The following SIRPB2 variants were observed in gnomAD, a reference collection of about 807,000 sequenced individuals.
The protein encoded by SIRPB2 is signal-regulatory protein beta-2.
In SIRPB2, 18 loss-of-function variants were observed where a neutral mutation model predicts 27.1. The observed-to-expected ratio is 0.66, with a 90% CI of 0.46 to 0.98. The LOEUF (loss-of-function observed/expected upper bound fraction) is 0.98, where lower values mean the gene tolerates loss of function less well. Among genes scored for constraint, SIRPB2 ranks in the 50% least tolerant of loss-of-function variants. SIRPB2 has a pLI of 0.00. For synonymous variants in SIRPB2, 150 were observed against 164.6 expected (o/e 0.91, Z 0.68); for missense variants, 420 against 417.4 (o/e 1.01, Z -0.06).
chr20:1,483,155 C>G (rs6079304), intron 1 of SIRPB2, among the ~76,000 whole-genome samples: 120,971 of 150,428 alleles, frequency 0.8, 49,302 homozygotes, highest in African/African-American at 0.94. Flanking sequence ...CACCCAGGCT[C>G]GAGTGCAGTG....
intron 1 of SIRPB2, among the ~76,000 whole-genome samples, chr20:1,480,833 T>C (rs1422875852): frequency 6.6e-6 from 1 of 152,226 alleles, no homozygotes; most frequent in African/African-American, 2.4e-5. Flanking sequence ...ACAGGCTTGA[T>C]TCAAGCCCTC....
intron 1 of SIRPB2, among the ~76,000 whole-genome samples, chr20:1,491,061 G>A (rs1228834187): frequency 6.6e-6 from 1 of 152,200 alleles, no homozygotes; most frequent in Non-Finnish European, 1.5e-5. Flanking sequence ...AAGCCAGTGG[G>A]TGTGAGCGCA....
chr20:1,478,188 C>T (rs943515298), intron 3 of SIRPB2, 78 bp downstream of exon 3: 9 of 1,352,854 alleles, frequency 6.7e-6, no homozygotes, highest in Non-Finnish European at 8.4e-6. Flanking sequence ...GAAGAACTGG[C>T]TTGTTCGGGA....
intron 1 of SIRPB2, among the ~76,000 whole-genome samples, chr20:1,485,653 CCACA>C (rs58756174): frequency 2.0e-5 from 3 of 147,076 alleles, no homozygotes; most frequent in Non-Finnish European, 3.0e-5. Context: ...CACACACACA[CCACA>C]CACACACACA....
chr20:1,482,538 T>TCTTCCTTC (rs368666155), intron 1 of SIRPB2, among the ~76,000 whole-genome samples: 1 of 149,362 alleles, frequency 6.7e-6, no homozygotes, highest in African/African-American at 2.5e-5. Context: ...TTTCTTCCTT[T>TCTTCCTTC]CTTCCTTCCT....
chr20:1,476,215 G>A lies in SIRPB2; in HGVS notation c.981C>T (p.Gly327=). 6.2e-7 allele frequency: 1 copy of A among 1,614,138 alleles called. No individual in the cohort carries two copies. ...CTAAGGTGTTCATGGCTCCTGCTGG[G>A]CCTGTGGTCTTGACATCTTCTTGCC... ...SPGQEDVKTT[G]PAGAMNTLAW... Residue 327 remains glycine, a synonymous_variant, in exon 5 of 5, where the codon GGC becomes GGT. Transcript: ENST00000359801.
chr20:1,488,177 T>C (rs554048559), intron 1 of SIRPB2, among the ~76,000 whole-genome samples: 123 of 152,322 alleles, frequency 8.1e-4, no homozygotes, highest in African/African-American at 2.8e-3. Context: ...GAGAAAAATC[T>C]TTGCAAAGCA....
chr20:1,480,976 T>C (rs1163527529), intron 1 of SIRPB2, among the ~76,000 whole-genome samples: 2 of 152,222 alleles, frequency 1.3e-5, no homozygotes, highest in Non-Finnish European at 2.9e-5. Flanking sequence ...GCAGTTCGTG[T>C]TAATGTGTTA....
At position 1,476,349 on chromosome 20, in the gene SIRPB2, GGA is replaced by G. The variant is rs1292417625; in HGVS notation, c.860-15_860-14del. On this transcript the variant is annotated splice_polypyrimidine_tract_variant and intron_variant, in intron 4 of 4. Transcript: ENST00000359801. ...ACAACCAGGAGGCCTGGGAGGCACA[GGA>G]GAGAGCTCAGGCGGGACCCGTGGTG... 2 of 1,608,264 alleles carry G rather than the reference GGA, an allele frequency of 1.2e-6. No individual in the cohort carries two copies. The highest frequency in any genetic ancestry group is 1.7e-6 in the Non-Finnish European group (2 of 1,177,782).
Position 1,478,524 on chromosome 20 carries a change from T to C in SIRPB2, c.535A>G (p.Asn179Asp). 6.2e-7 allele frequency: 1 copy of C among 1,613,866 alleles called. No individual in the cohort carries two copies. Among genetic ancestry groups the C allele is most frequent in the Non-Finnish European group, 8.5e-7 (1 of 1,179,890 alleles). ...GGACCGTCTCCAAGCACTGTGCAGT[T>C]CAGAAAGACAGTGTCTCCAGTGGTC... is the stretch of plus-strand genomic sequence containing the variant. ...LGTTGDTVFL[N>D]CTVLGDGPPG... is the part of the protein sequence containing the mutation. The change falls in exon 3 of 5, where the codon AAC (asparagine) becomes GAC (aspartate). Residue 179 changes from asparagine to aspartate, a missense_variant. Coordinates refer to ENST00000359801, the MANE Select transcript of SIRPB2 (RefSeq NM_001122962.2).
At position 1,479,762 on chromosome 20, in the gene SIRPB2, A is replaced by G; in HGVS notation, c.389T>C (p.Phe130Ser). Reference protein sequence around the residue: ...EHTGTYHCVRFDGLSEHSEMK... With the variant: ...EHTGTYHCVRSDGLSEHSEMK... ...TTCTGAGTGTTCACTCAAACCATCAAACCTCACACAGTGGTAGGTTCCAGT... is the reference window on the plus strand; with the variant it reads ...TTCTGAGTGTTCACTCAAACCATCAGACCTCACACAGTGGTAGGTTCCAGT... The change falls in exon 2 of 5, where the codon TTT becomes TCT. Residue 130 changes from phenylalanine (F) to serine (S), a missense_variant. Physicochemically the swap from Phe to Ser is radical, Grantham distance 155. Coordinates refer to ENST00000359801, the MANE Select transcript of SIRPB2 (RefSeq NM_001122962.2). 6.2e-7 allele frequency: 1 copy of G among 1,614,218 alleles called. No homozygotes were observed. The highest frequency in any genetic ancestry group is 8.5e-7 in the Non-Finnish European group (1 of 1,180,032).
chr20:1,475,911 T>G lies in SIRPB2; in HGVS notation c.*256A>C. The G allele has an allele frequency of 1.9e-5, 8 of 414,098 alleles. No individual in the cohort carries two copies. Among genetic ancestry groups the G allele is most frequent in the Admixed American group, 4.4e-5 (1 of 22,598 alleles). The allele number at this position is 414,098 out of a possible 1,614,324, so 25.7% of individuals were successfully genotyped here. On this transcript the variant is annotated 3_prime_UTR_variant, in exon 5 of 5. Transcript: ENST00000359801. The stretch of plus-strand genomic sequence containing the variant: ...GAAAGGGCTGCAGCAGGGGCAAGGG[T>G]GTTGAGGAGAGACTGAGCCAGGGAC...
intron 1 of SIRPB2, among the ~76,000 whole-genome samples, chr20:1,483,786 T>G (rs2090697323): frequency 6.6e-6 from 1 of 152,222 alleles, no homozygotes; most frequent in Non-Finnish European, 1.5e-5. Flanking sequence ...GTCTTTTTTT[T>G]GCCTTTGTTG....
downstream of SIRPB2, among the ~76,000 whole-genome samples, chr20:1,474,318 C>T (rs2090591704): frequency 6.6e-6 from 1 of 152,194 alleles, no homozygotes; most frequent in African/African-American, 2.4e-5. Context: ...AGTATTCAGC[C>T]TACCTTCCCT....
Position 1,477,358 on chromosome 20 carries a change from G to A in SIRPB2, c.839C>T (p.Ala280Val), listed in dbSNP as rs1429078700. 2 of 1,614,192 alleles carry A rather than the reference G, an allele frequency of 1.2e-6. No homozygotes were observed. The highest frequency in any genetic ancestry group is 1.7e-6 in the Non-Finnish European group (2 of 1,180,018). ...CTCACCTGTTGGAGACATCTCAGTT[G>A]CAGGTTCACTGGTGAATTCTGCCTC... The part of the protein sequence containing the change: ...SKEAEFTSEP[A>V]TEMSPTGLLV... The change falls in exon 4 of 5, where the codon GCA becomes GTA. Residue 280 changes from alanine to valine, a missense_variant. Transcript: ENST00000359801.
chr20:1,472,811 A>G (rs1340069897), downstream of SIRPB2: 1 of 152,112 alleles, frequency 6.6e-6, no homozygotes, highest in Non-Finnish European at 1.5e-5. Flanking sequence ...TCAGGCGTTT[A>G]CGGGGTCTAA....
chr20:1,480,319 T>A (rs1371647539), intron 1 of SIRPB2: 1 of 456,000 alleles, frequency 2.2e-6, no homozygotes, highest in Non-Finnish European at 3.9e-6. Context: ...GCGTGCATGA[T>A]GTCACTTATT....
rs140625271 is a variant in SIRPB2 at position 1,476,315 on chromosome 20, G to C, written c.881C>G (p.Pro294Arg). 59 of 1,613,134 alleles carry C rather than the reference G, an allele frequency of 3.7e-5. No homozygotes were observed. The East Asian group carries it at 1.3e-3, about 36-fold the overall frequency. Residue 294 changes from proline to arginine, a missense_variant, in exon 5 of 5, where the codon CCT (proline) becomes CGT (arginine). Pro to Arg is a moderately radical substitution (Grantham distance 103). Transcript: ENST00000359801. ...SPTGLLVVFA[P>R]VVLGLKAITL... ...AATTGCCTTCAGCCCCAGGACCACA[G>C]GTGCGAACACAACCAGGAGGCCTGG...
chr20:1,485,917 C>A (rs2090721350), intron 1 of SIRPB2, among the ~76,000 whole-genome samples: 1 of 152,038 alleles, frequency 6.6e-6, no homozygotes, highest in South Asian at 2.1e-4. Context: ...GAAAAAGATA[C>A]ACTGCCAAAG....
Sources: gnomAD v4.1 joint callset for allele counts (sites outside exome capture counted in the v4.1 genomes callset) on GRCh38, gnomAD v4.1.1 for gene constraint, MANE v1.5 for transcripts, NCBI Gene and HGNC (gene_info 2026-07-23, HGNC 2026-07-21) for gene names.